DYSF: variants seen among roughly 807,000 people sequenced by gnomAD.
DYSF encodes the protein dystrophy-associated fer-1-like 1.
DYSF carries 212 observed loss-of-function variants against 274.9 expected under a neutral mutation model. The ratio of observed to expected loss-of-function variants is 0.77; its 90% CI spans 0.69 to 0.86. The LOEUF is 0.86. DYSF is among the 40% of genes least tolerant of loss of function. The pLI, the probability that DYSF is intolerant of heterozygous loss-of-function variation, is 0.00. For synonymous variants in DYSF, 1,091 were observed against 1,078.7 expected (o/e 1.01, Z -0.22); for missense variants, 2,666 against 2,783.2 (o/e 0.96, Z 0.95).
intron 30 of DYSF, among the ~76,000 whole-genome samples, chr2:71,582,106 CA>C (rs1159294834): frequency 0.12 from 4,210 of 34,850 alleles, 28 homozygotes; most frequent in South Asian, 0.28. Context: ...GACTCCGTCT[CA>C]AAAAAAAAAA....
At chr2:71,682,818 G>C in intron 55 of DYSF, 141 bp downstream of exon 55, 4 of 1,260,180 alleles carry the variant, frequency 3.2e-6, no homozygotes, top group Non-Finnish European at 4.4e-6. Flanking sequence ...TGAGGATACA[G>C]AGCCCAGCTC....
In DYSF at chr2:71,611,575, G is replaced by T; in HGVS notation, c.4170G>T (p.Arg1390Ser). ...GGQTVQSCVI[R>S]NLRKNPNFDI... The stretch of plus-strand genomic sequence containing the variant: ...AGACGGTGCAGTCCTGTGTCATCAG[G>T]AACCTCCGGAAGAACCCCAACTTTG... Residue 1390 changes from arginine to serine, a missense_variant, in exon 38 of 56, where the codon AGG (arginine) becomes AGT (serine). This residue lies in a region of DYSF where 1,460 missense variants were observed against 1,502.1 expected (regional missense o/e 0.97). Coordinates refer to ENST00000410020, the MANE Select transcript of DYSF (RefSeq NM_001130987.2). The T allele has an allele frequency of 6.2e-7, 1 of 1,614,142 alleles. No homozygotes were observed. The highest frequency in any genetic ancestry group is 8.5e-7 in the Non-Finnish European group (1 of 1,180,030).
At chr2:71,476,418 G>A (rs1458826875) in intron 1 of DYSF, among the ~76,000 whole-genome samples, 3 of 151,978 alleles carry the variant, frequency 2.0e-5, no homozygotes, top group Admixed American at 2.0e-4. Flanking sequence ...GTAGGCACTT[G>A]TAGTCGCGGC....
intron 41 of DYSF, among the ~76,000 whole-genome samples, chr2:71,627,870 G>C (rs2094236518): frequency 6.6e-6 from 1 of 151,962 alleles, no homozygotes; most frequent in South Asian, 2.1e-4. Flanking sequence ...TTTTCTTAAA[G>C]TCTGTTTTGT....
At chr2:71,513,052 C>T (rs1161092863) in intron 5 of DYSF, among the ~76,000 whole-genome samples, 188 bp from the exon 6 acceptor site, 3 of 152,126 alleles carry the variant, frequency 2.0e-5, no homozygotes, top group Non-Finnish European at 4.4e-5. Flanking sequence ...TCAGTGGAGG[C>T]TTCCAGACAC....
At chr2:71,497,358 T>G (rs1325229028) in intron 3 of DYSF, among the ~76,000 whole-genome samples, 1 of 152,154 alleles carries the variant, frequency 6.6e-6, no homozygotes, top group Non-Finnish European at 1.5e-5. Context: ...ATAATCCCCA[T>G]GTGCTGTGGG....
intron 22 of DYSF, among the ~76,000 whole-genome samples, chr2:71,561,411 C>T (rs910217795): frequency 2.6e-5 from 4 of 152,260 alleles, no homozygotes; most frequent in South Asian, 2.1e-4. Context: ...CTGGGCCCTC[C>T]GAGAGCCTGT....
At chr2:71,516,511 G>A (rs1241316261) in intron 9 of DYSF, among the ~76,000 whole-genome samples, 1 of 152,230 alleles carries the variant, frequency 6.6e-6, no homozygotes, top group Non-Finnish European at 1.5e-5. Flanking sequence ...GGCAGCAGCT[G>A]CGGGAGAGCC....
chr2:71,616,640 G>A (rs1014499497), intron 40 of DYSF, among the ~76,000 whole-genome samples: 2 of 152,106 alleles, frequency 1.3e-5, no homozygotes. Context: ...GAGCAGAAGT[G>A]TCCTATTCCA....
In DYSF at chr2:71,481,915, C is replaced by A; in HGVS notation, c.184C>A (p.Gln62Lys). 1 of 1,614,170 alleles carries A rather than the reference C, an allele frequency of 6.2e-7. No individual in the cohort carries two copies. The highest frequency in any genetic ancestry group is 1.1e-5 in the South Asian group (1 of 91,084). The change falls in exon 3 of 56, where the codon CAG (glutamine) becomes AAG (lysine). Residue 62 changes from glutamine to lysine, a missense_variant. Gln to Lys is a moderately conservative substitution (Grantham distance 53, BLOSUM62 1). Transcript: ENST00000410020. ...EWDLKGIPLD[Q>K]GSELHVVVKD... is the part of the protein sequence containing the mutation. ...GGACCTCAAGGGCATCCCCCTGGACCAGGGCTCTGAGCTTCATGTGGTGGT... is the reference window on the plus strand; with the variant it reads ...GGACCTCAAGGGCATCCCCCTGGACAAGGGCTCTGAGCTTCATGTGGTGGT...
intron 53 of DYSF, among the ~76,000 whole-genome samples, chr2:71,680,443 T>A (rs903650071): frequency 8.5e-5 from 13 of 152,236 alleles, no homozygotes; most frequent in Non-Finnish European, 1.5e-4. Flanking sequence ...GCCCTCGGAC[T>A]CTGTCATCCG....
chr2:71,658,856 A>G, intron 43 of DYSF, 22 bp from the exon 44 acceptor site: 1 of 1,614,136 alleles, frequency 6.2e-7, no homozygotes, highest in Non-Finnish European at 8.5e-7. Flanking sequence ...AAAAATGAAA[A>G]TTAACCCTTC....
intron 41 of DYSF, among the ~76,000 whole-genome samples, chr2:71,626,091 A>G (rs1037735166): frequency 6.6e-6 from 1 of 151,956 alleles, no homozygotes; most frequent in Non-Finnish European, 1.5e-5. Flanking sequence ...GATTAATTAC[A>G]ATTTTAATTC....
At position 71,601,486 on chromosome 2, in the gene DYSF, T is replaced by C; in HGVS notation, c.3898-13T>C. On this transcript the variant is annotated splice_polypyrimidine_tract_variant and intron_variant, in intron 34 of 55. Coordinates refer to ENST00000410020, the MANE Select transcript of DYSF (RefSeq NM_001130987.2). Reference sequence around the variant, plus strand: ...ACAAGCACATGACCAGAGCTCTCTTTTCTTCACTCCAGCCGGCCATCCACC... The same window carrying C: ...ACAAGCACATGACCAGAGCTCTCTTCTCTTCACTCCAGCCGGCCATCCACC... 6.2e-7 allele frequency: 1 copy of C among 1,614,188 alleles called. No individual in the cohort carries two copies. Among genetic ancestry groups the C allele is most frequent in the Non-Finnish European group, 8.5e-7 (1 of 1,180,026 alleles).
chr2:71,600,570 T>C, intron 33 of DYSF, 132 bp from the exon 34 acceptor site: 1 of 1,284,008 alleles, frequency 7.8e-7, no homozygotes, highest in Non-Finnish European at 1.1e-6. Context: ...AATTCACCAT[T>C]CTGTGGGAGG....
At chr2:71,574,461 C>A in intron 30 of DYSF, 90 bp downstream of exon 30, 2 of 1,500,026 alleles carry the variant, frequency 1.3e-6, no homozygotes, top group African/African-American at 1.4e-5. Flanking sequence ...GCACAGGGAC[C>A]CCAGGTTAGG....
chr2:71,512,604 T>C (rs7581887), intron 5 of DYSF, among the ~76,000 whole-genome samples: 48,439 of 152,074 alleles, frequency 0.32, 8,677 homozygotes, highest in African/African-American at 0.48. Flanking sequence ...TGGGCCTGGG[T>C]GTGGGAGCCT....
intron 21 of DYSF, among the ~76,000 whole-genome samples, chr2:71,554,654 G>A (rs1379901803): frequency 4.6e-5 from 7 of 152,180 alleles, no homozygotes; most frequent in Non-Finnish European, 7.4e-5. Flanking sequence ...CTTGGTGGCC[G>A]ACTGGATTTG....
chr2:71,658,794 T>G, intron 43 of DYSF, 84 bp from the exon 44 acceptor site: 1 of 1,556,518 alleles, frequency 6.4e-7, no homozygotes, highest in Non-Finnish European at 8.8e-7. Flanking sequence ...GAGATACAAT[T>G]CAAGTTGAGA....
Sources: allele counts gnomAD v4.1 joint callset (sites outside exome capture counted in the v4.1 genomes callset), GRCh38; gene constraint gnomAD v4.1.1; regional missense constraint gnomAD v4.1.1; transcripts MANE v1.5; gene names NCBI Gene and HGNC (gene_info 2026-07-23, HGNC 2026-07-21).